GPS1: variants seen among roughly 807,000 people sequenced by gnomAD.
The protein encoded by GPS1 is G protein pathway suppressor 1, also known as COP9 signalosome complex subunit 1.
GPS1 carries 11 observed loss-of-function variants against 60.0 expected under a neutral mutation model. The observed-to-expected ratio is 0.18, with a 90% CI of 0.12 to 0.30. The LOEUF (loss-of-function observed/expected upper bound fraction) is 0.30, where lower values mean the gene tolerates loss of function less well. GPS1 is among the 10% of genes least tolerant of loss of function. The probability of loss-of-function intolerance (pLI) is 1.00; values close to 1 mark genes in which losing one functional copy is unlikely to be tolerated. For missense variants in GPS1, 543 were observed against 669.2 expected (o/e 0.81, Z 2.08); for synonymous variants, 343 against 269.8 (o/e 1.27, Z -2.66).
chr17:82,051,677 GGGCAGC>G (rs1309846308), upstream of GPS1: 24 of 1,001,802 alleles, frequency 2.4e-5, no homozygotes, highest in Middle Eastern at 4.9e-4. This position sits in a 1 kb window ranked among gnomAD's most constrained non-coding sequence, Gnocchi z 4.1. Context: ...CGGGCGCGCG[GGGCAGC>G]GGCAGCGGCA....
chr17:82,054,215 G>A lies in GPS1; in HGVS notation c.308+166G>A, dbSNP rs1016007332. 30 of 803,926 alleles carry A rather than the reference G, an allele frequency of 3.7e-5. 1 individual carries two copies. The African/African-American group carries it at 4.7e-4, about 13-fold the overall frequency. 49.8% of individuals were successfully genotyped at this position (803,926 alleles called of 1,614,324 possible). On this transcript the variant is annotated intron_variant, in intron 3 of 12. Transcript: ENST00000578552. ...CCAGCAGTGGAAGTGCCCTGTGTGT[G>A]TGTGGCTTCTGTGTGTGTGCATGCA...
upstream of GPS1, chr17:82,051,159 C>A: frequency 7.6e-7 from 1 of 1,307,772 alleles, no homozygotes; most frequent in Non-Finnish European, 9.7e-7. The surrounding 1 kb of genome is among the most constrained non-coding windows in gnomAD (Gnocchi z 4.1). Context: ...GTGACCTGGG[C>A]AGCGTCGGGG....
In GPS1 at chr17:82,056,379, G is replaced by A. The variant is rs761494338; in HGVS notation, c.1023G>A (p.Leu341=). ...ESKYASCLKM[L]DEMKDNLLLD... ...AGTACGCCTCATGTCTCAAGATGCT[G>A]GACGAGATGAAGGTGGGCCCCGCCT... The change falls in exon 9 of 13, where the codon CTG becomes CTA. Residue 341 remains leucine (L), a synonymous_variant. Transcript: ENST00000578552. The A allele has an allele frequency of 5.6e-6, 9 of 1,612,450 alleles. No homozygotes were observed. In the South Asian group the frequency reaches 6.6e-5, roughly 12 times the overall value.
Position 82,056,450 on chromosome 17 carries a change from C to T in GPS1, c.1036-20C>T. ...CCCTGCCTGGCCTCCTGTCCTGGTCCTGACCAGCCCCTTCCCCAGGACAAC... is the reference window on the plus strand; with the variant it reads ...CCCTGCCTGGCCTCCTGTCCTGGTCTTGACCAGCCCCTTCCCCAGGACAAC... On this transcript the variant is annotated intron_variant, in intron 9 of 12. Coordinates refer to ENST00000578552, the MANE Select transcript of GPS1 (RefSeq NM_001321092.3). The T allele has an allele frequency of 6.2e-7, 1 of 1,613,098 alleles. No individual in the cohort carries two copies. Among genetic ancestry groups the T allele is most frequent in the Non-Finnish European group, 8.5e-7 (1 of 1,179,974 alleles).
chr17:82,056,781 C>CG lies in GPS1; in HGVS notation c.1254+19dup, dbSNP rs2032903169. 6.3e-7 allele frequency: 1 copy of CG among 1,599,992 alleles called. No individual in the cohort carries two copies. The highest frequency in any genetic ancestry group is 1.3e-5 in the African/African-American group (1 of 74,902). ...CACACAGCAAGGTGGCTGTGGGCTG[C>CG]GGGGCGGTGGGGGCAGCTGGGGGTG... is the stretch of plus-strand genomic sequence containing the variant. On this transcript the variant is annotated intron_variant, in intron 11 of 12. Coordinates refer to ENST00000578552, the MANE Select transcript of GPS1 (RefSeq NM_001321092.3).
intron 2 of GPS1, 48 bp from the exon 3 acceptor site, chr17:82,053,820 G>C: frequency 6.4e-7 from 1 of 1,560,208 alleles, no homozygotes; most frequent in Non-Finnish European, 8.7e-7. Context: ...CCTGGGGCCA[G>C]GGTCCTGCCT....
At chr17:82,052,719 C>G (rs1384738789) in intron 1 of GPS1, 2 of 512,602 alleles carry the variant, frequency 3.9e-6, no homozygotes, top group Non-Finnish European at 7.1e-6. Context: ...TGTGTTAAGC[C>G]GAGGTCCTGG....
Position 82,056,899 on chromosome 17 carries a change from G to A in GPS1, c.1314G>A (p.Met438Ile), listed in dbSNP as rs759954800. Reference sequence around the variant, plus strand: ...CCACCTTTGAGAAGTCTCTGTTGATGGGCAAGGAGTTCCAGCGCCGCGCCA... The same window carrying A: ...CCACCTTTGAGAAGTCTCTGTTGATAGGCAAGGAGTTCCAGCGCCGCGCCA... Reference protein sequence around the residue: ...RSTTFEKSLLMGKEFQRRAKA... With the variant: ...RSTTFEKSLLIGKEFQRRAKA... The change falls in exon 12 of 13, where the codon ATG becomes ATA. Residue 438 changes from methionine (M) to isoleucine (I), a missense_variant. Coordinates refer to ENST00000578552, the MANE Select transcript of GPS1 (RefSeq NM_001321092.3). The A allele has an allele frequency of 1.9e-6, 3 of 1,612,956 alleles. No homozygotes were observed. The highest frequency in any genetic ancestry group is 2.2e-5 in the South Asian group (2 of 91,082).
Position 82,057,151 on chromosome 17 carries a change from C to T in GPS1, c.*24C>T, listed in dbSNP as rs762622123. On this transcript the variant is annotated 3_prime_UTR_variant, in exon 13 of 13. Coordinates refer to ENST00000578552, the MANE Select transcript of GPS1 (RefSeq NM_001321092.3). ...GAGGGGTGAACCTTGGCCTCCAGGA[C>T]ATCTGCACCCCCTCCCCACCTCCAC... is the stretch of plus-strand genomic sequence containing the variant. The T allele has an allele frequency of 5.7e-6, 9 of 1,567,392 alleles. No homozygotes were observed. The South Asian group carries it at 8.3e-5, about 15-fold the overall frequency.
Position 82,056,461 on chromosome 17 carries a change from C to T in GPS1, c.1036-9C>T. 6.2e-7 allele frequency: 1 copy of T among 1,613,198 alleles called. No individual in the cohort carries two copies. The highest frequency in any genetic ancestry group is 8.5e-7 in the Non-Finnish European group (1 of 1,179,998). The stretch of plus-strand genomic sequence containing the variant: ...CTCCTGTCCTGGTCCTGACCAGCCC[C>T]TTCCCCAGGACAACCTGCTCCTGGA... On this transcript the variant is annotated splice_polypyrimidine_tract_variant and intron_variant, in intron 9 of 12. Coordinates refer to ENST00000578552, the MANE Select transcript of GPS1 (RefSeq NM_001321092.3).
chr17:82,052,813 C>T (rs2031242783), intron 1 of GPS1: 2 of 344,794 alleles, frequency 5.8e-6, no homozygotes, highest in East Asian at 6.0e-5. Context: ...GCGTGACTCT[C>T]AGCCCAGTAT....
rs769214932 is a variant in GPS1, at chr17:82,054,020, G to C, written c.279G>C (p.Glu93Asp). 6.2e-7 allele frequency: 1 copy of C among 1,611,988 alleles called. No individual in the cohort carries two copies. Among genetic ancestry groups the C allele is most frequent in the East Asian group, 2.2e-5 (1 of 44,864 alleles). Residue 93 changes from glutamate to aspartate, a missense_variant, in exon 3 of 13, where the codon GAG (glutamate) becomes GAC (aspartate). Physicochemically the swap from Glu to Asp is conservative, Grantham distance 45 (BLOSUM62 2). Coordinates refer to ENST00000578552, the MANE Select transcript of GPS1 (RefSeq NM_001321092.3). ...CCTTTAACGTGGACATGTACGAGGA[G>C]ATCCACCGCAAGCTCTCAGAGGCCA... is the stretch of plus-strand genomic sequence containing the variant. ...QRTFNVDMYE[E>D]IHRKLSEATR...
At chr17:82,055,087 C>T (rs1336880741) in intron 5 of GPS1, 75 bp from the exon 6 acceptor site, 3 of 1,572,394 alleles carry the variant, frequency 1.9e-6, no homozygotes, top group Admixed American at 1.8e-5. Flanking sequence ...TTCATCCCCT[C>T]TCAGTCTGGG....
At chr17:82,053,688 C>T in intron 2 of GPS1, 180 bp from the exon 3 acceptor site, 1 of 650,486 alleles carries the variant, frequency 1.5e-6, no homozygotes, top group Non-Finnish European at 2.6e-6. Context: ...CAGGCCCACC[C>T]CAGCGGTCTT....
upstream of GPS1, chr17:82,051,352 A>G (rs2030540219): frequency 6.8e-7 from 1 of 1,466,980 alleles, no homozygotes; most frequent in Non-Finnish European, 8.9e-7. This position sits in a 1 kb window ranked among gnomAD's most constrained non-coding sequence, Gnocchi z 4.1. Context: ...TCTGGGGGAG[A>G]AACAATCTAT....
At chr17:82,056,598 G>A (rs1286226749) in intron 10 of GPS1, 31 bp from the exon 11 acceptor site, 8 of 1,612,244 alleles carry the variant, frequency 5.0e-6, no homozygotes, top group Non-Finnish European at 6.8e-6. Context: ...CATGCAGGGG[G>A]CTGTGGAGCT....
chr17:82,052,863 C>G, intron 1 of GPS1: 1 of 249,982 alleles, frequency 4.0e-6, no homozygotes, highest in Non-Finnish European at 7.8e-6. Flanking sequence ...GGGGCTGGTC[C>G]TCCTGCCTCC....
Position 82,053,980 on chromosome 17 carries a change from C to T in GPS1, c.239C>T (p.Ser80Phe), listed in dbSNP as rs758381226. Residue 80 changes from serine to phenylalanine, a missense_variant, in exon 3 of 13, where the codon TCC (serine) becomes TTC (phenylalanine). Ser to Phe is a radical substitution (Grantham distance 155). Transcript: ENST00000578552. ...GTGGAGGCCCTGAAGATGGCCCTCT[C>T]CTTCGTGCAGAGAACCTTTAACGTG... ...LRVEALKMAL[S>F]FVQRTFNVDM... 5 of 1,612,842 alleles carry T rather than the reference C, an allele frequency of 3.1e-6. No homozygotes were observed. The South Asian group carries it at 3.3e-5, about 11-fold the overall frequency.
At chr17:82,051,894 C>T, upstream of GPS1, 4 of 1,157,934 alleles carry the variant, frequency 3.5e-6, no homozygotes, top group Non-Finnish European at 1.1e-6. The surrounding 1 kb of genome is among the most constrained non-coding windows in gnomAD (Gnocchi z 4.1). Flanking sequence ...TTCGCTGCCC[C>T]GGAAGTGGAC....
Sources: allele counts gnomAD v4.1 joint callset, GRCh38; gene constraint gnomAD v4.1.1; non-coding constraint Gnocchi (gnomAD v3.1); transcripts MANE v1.5; gene names NCBI Gene and HGNC (gene_info 2026-07-23, HGNC 2026-07-21).